UBE2O: variants seen among roughly 807,000 people sequenced by gnomAD.
The protein encoded by UBE2O is (E3-independent) E2 ubiquitin-conjugating enzyme.
UBE2O carries 15 observed loss-of-function variants against 125.8 expected under a neutral mutation model. The ratio of observed to expected loss-of-function variants is 0.12; its 90% CI spans 0.08 to 0.18. UBE2O has a LOEUF of 0.18. Ranked by LOEUF, UBE2O falls within the 10% of genes least tolerant of loss-of-function variation. The pLI, the probability that UBE2O is intolerant of heterozygous loss-of-function variation, is 1.00. For missense variants in UBE2O, 1,280 were observed against 1,723.6 expected, an observed-to-expected ratio of 0.74 and a Z score of 4.56; for synonymous variants, 708 against 703.2, an observed-to-expected ratio of 1.01 and a Z score of -0.11.
chr17:76,402,591 T>C lies in UBE2O; in HGVS notation c.686+11A>G, dbSNP rs2072347556. 1 of 1,612,384 alleles carries C rather than the reference T, an allele frequency of 6.2e-7. No individual in the cohort carries two copies. The highest frequency in any genetic ancestry group is 8.5e-7 in the Non-Finnish European group (1 of 1,178,484). ...TCCCAAGCCGATGGCTCTCTGGTGG[T>C]GAGACTCTACCTGGCGCCGTTGGAT... On this transcript the variant is annotated intron_variant, in intron 4 of 17. Coordinates refer to ENST00000319380, the MANE Select transcript of UBE2O (RefSeq NM_022066.4). This position sits in a 1 kb window ranked among gnomAD's most constrained non-coding sequence, Gnocchi z 5.4.
intron 1 of UBE2O, among the ~76,000 whole-genome samples, chr17:76,422,514 G>C (rs1474624091): frequency 6.6e-6 from 1 of 152,252 alleles, no homozygotes; most frequent in Non-Finnish European, 1.5e-5. Flanking sequence ...CGCTGTGCCA[G>C]ATGCCAATGA....
In UBE2O at chr17:76,452,793, G is replaced by T; in HGVS notation, c.349C>A (p.Leu117Met). ...AGHEEGRASPLRRGYVRVQWY... is the reference protein window; with the variant it reads ...AGHEEGRASPMRRGYVRVQWY... ...TGGACGCGCACGTAGCCGCGGCGCA[G>T]GGGGCTGGCCCGGCCCTCCTCGTGG... is the stretch of plus-strand genomic sequence containing the variant. Residue 117 changes from leucine to methionine, a missense_variant, in exon 1 of 18, where the codon CTG becomes ATG. Physicochemically the swap from Leu to Met is conservative, Grantham distance 15 (BLOSUM62 2). This residue lies in a region of UBE2O where 188 missense variants were observed against 192.5 expected (regional missense o/e 0.98). Transcript: ENST00000319380. This position sits in a 1 kb window ranked among gnomAD's most constrained non-coding sequence, Gnocchi z 4.4. The T allele has an allele frequency of 6.6e-7, 1 of 1,521,444 alleles. No homozygotes were observed. The allele number at this position is 1,521,444 out of a possible 1,614,324, so 94.2% of individuals were successfully genotyped here. A position where few individuals can be genotyped will look rare whatever the true frequency, so the allele number is the denominator to read the frequency against.
Position 76,399,389 on chromosome 17 carries a change from C to T in UBE2O, c.1628+60G>A, listed in dbSNP as rs186223642. 2,549 of 1,513,068 alleles carry T rather than the reference C, an allele frequency of 1.7e-3. 5 individuals carry two copies. The highest frequency in any genetic ancestry group is 2.0e-3 in the Non-Finnish European group (2,240 of 1,099,728). The allele number at this position is 1,513,068 out of a possible 1,614,324, so 93.7% of individuals were successfully genotyped here. A position where few individuals can be genotyped will look rare whatever the true frequency, so the allele number is the denominator to read the frequency against. ...AGCGCAGGCACGCACACCGAGGGGA[C>T]GCGCACTCTGCCTGGCTTCACGCTG... On this transcript the variant is annotated intron_variant, in intron 9 of 17. Coordinates refer to ENST00000319380, the MANE Select transcript of UBE2O (RefSeq NM_022066.4). This position sits in a 1 kb window ranked among gnomAD's most constrained non-coding sequence, Gnocchi z 6.9.
At chr17:76,416,178 GTGTGTATATGTATA>G (rs900711297) in intron 1 of UBE2O, among the ~76,000 whole-genome samples, 1 of 151,810 alleles carries the variant, frequency 6.6e-6, no homozygotes, top group African/African-American at 2.4e-5. Context: ...ATACGTGTGT[GTGTGTATATGTATA>G]TGTGTATATG....
intron 1 of UBE2O, among the ~76,000 whole-genome samples, chr17:76,423,721 T>TAAAC (rs1167864747): frequency 6.1e-5 from 9 of 147,318 alleles, no homozygotes; most frequent in African/African-American, 2.3e-4. Flanking sequence ...AATAAATAAA[T>TAAAC]AAATAAAAAA....
At chr17:76,403,741 A>C (rs962528228) in intron 3 of UBE2O, among the ~76,000 whole-genome samples, 20 of 152,198 alleles carry the variant, frequency 1.3e-4, no homozygotes, top group African/African-American at 4.8e-4. Context: ...CCATTCTCTG[A>C]AAACAATGAG....
chr17:76,414,667 C>G (rs2072570055), intron 1 of UBE2O, among the ~76,000 whole-genome samples: 1 of 152,230 alleles, frequency 6.6e-6, no homozygotes, highest in South Asian at 2.1e-4. Context: ...GGAGGCACAG[C>G]CTGCCCGAGG....
intron 15 of UBE2O, among the ~76,000 whole-genome samples, chr17:76,393,403 T>G (rs1195591148): frequency 2.6e-5 from 4 of 151,656 alleles, no homozygotes; most frequent in African/African-American, 9.7e-5. Context: ...CCCGGCTAAT[T>G]TTTTGTATTT....
At chr17:76,415,088 C>T (rs760871948) in intron 1 of UBE2O, among the ~76,000 whole-genome samples, 3 of 152,174 alleles carry the variant, frequency 2.0e-5, no homozygotes, top group Non-Finnish European at 4.4e-5. Flanking sequence ...ATTTCAGATG[C>T]GACAGGCTGC....
At chr17:76,449,051 T>C (rs921896463) in intron 1 of UBE2O, among the ~76,000 whole-genome samples, 1 of 152,240 alleles carries the variant, frequency 6.6e-6, no homozygotes, top group South Asian at 2.1e-4. Context: ...ACACGACAAA[T>C]TCCATAGCTT....
Position 76,399,715 on chromosome 17 carries a change from G to A in UBE2O, c.1362C>T (p.His454=), listed in dbSNP as rs776182377. The change falls in exon 9 of 18, where the codon CAC becomes CAT. Residue 454 remains histidine, a synonymous_variant. Transcript: ENST00000319380. This position sits in a 1 kb window ranked among gnomAD's most constrained non-coding sequence, Gnocchi z 6.9. ...ATGGGGGCAGCTGCTCTCCTGCCTCGTGGGGCTCCTCTGCACCCTCGTCCT... is the reference window on the plus strand; with the variant it reads ...ATGGGGGCAGCTGCTCTCCTGCCTCATGGGGCTCCTCTGCACCCTCGTCCT... ...EMQDEGAEEP[H]EAGEQLPPFL... is the part of the protein sequence containing the mutation. 46 of 1,614,008 alleles carry A rather than the reference G, an allele frequency of 2.9e-5. 1 individual carries two copies. The East Asian group carries it at 8.0e-4, about 28-fold the overall frequency.
At chr17:76,445,875 G>A (rs917765907) in intron 1 of UBE2O, among the ~76,000 whole-genome samples, 2 of 152,280 alleles carry the variant, frequency 1.3e-5, no homozygotes, top group South Asian at 4.1e-4. Flanking sequence ...AAGCAATTCC[G>A]AACGGGCACT....
intron 1 of UBE2O, among the ~76,000 whole-genome samples, chr17:76,418,832 G>C (rs538990251): frequency 3.3e-5 from 5 of 152,276 alleles, no homozygotes; most frequent in Non-Finnish European, 7.4e-5. Context: ...GCCTCCCAAA[G>C]TGCTGGGATT....
At chr17:76,425,225 C>CAAAAAAAAAAAAAAAAAAAAA (rs58377572) in intron 1 of UBE2O, among the ~76,000 whole-genome samples, 5 of 95,080 alleles carry the variant, frequency 5.3e-5, no homozygotes, top group African/African-American at 1.7e-4. Context: ...GTCCTTTCGA[C>CAAAAAAAAAAAAAAAAAAAAA]AAAAAAAAAA....
chr17:76,433,147 G>A (rs2072930135), intron 1 of UBE2O, among the ~76,000 whole-genome samples: 1 of 151,880 alleles, frequency 6.6e-6, no homozygotes, highest in Non-Finnish European at 1.5e-5. Flanking sequence ...AATGCTTATA[G>A]CAGCATTATT....
chr17:76,402,118 C>G lies in UBE2O; in HGVS notation c.696G>C (p.Met232Ile). The change falls in exon 5 of 18, where the codon ATG (methionine) becomes ATC (isoleucine). Residue 232 changes from methionine (M) to isoleucine (I), a missense_variant. Around this residue, in one of 10 missense-constraint regions of UBE2O, gnomAD observed 206 missense variants for 315.7 expected, o/e 0.65. Transcript: ENST00000319380. The surrounding 1 kb of genome is among the most constrained non-coding windows in gnomAD (Gnocchi z 5.4). ...AGAGCTTGGCGCCATCTTCCGTGTTCATGGAGCACCTAAAACAGAGAACAG... is the reference window on the plus strand; with the variant it reads ...AGAGCTTGGCGCCATCTTCCGTGTTGATGGAGCACCTAAAACAGAGAACAG... ...LKLSNGARCS[M>I]NTEDGAKLYD... 1 of 1,613,672 alleles carries G rather than the reference C, an allele frequency of 6.2e-7. No individual in the cohort carries two copies. Among genetic ancestry groups the G allele is most frequent in the Non-Finnish European group, 8.5e-7 (1 of 1,180,002 alleles).
At chr17:76,403,068 C>T (rs908226473) in intron 3 of UBE2O, among the ~76,000 whole-genome samples, 35 of 152,256 alleles carry the variant, frequency 2.3e-4, no homozygotes, top group African/African-American at 7.0e-4. Context: ...AGCCACACCA[C>T]TGGGGGGTGG....
In UBE2O at chr17:76,396,567, G is replaced by T; in HGVS notation, c.2370C>A (p.Ala790=). The part of the protein sequence containing the change: ...AATAAVQGAV[A]MAAPMAGLME... ...TCAGCCCGGCCATGGGGGCAGCCAT[G>T]GCCACAGCCCCCTGGACGGCAGCTG... The change falls in exon 14 of 18, where the codon GCC becomes GCA. Residue 790 remains alanine, a synonymous_variant. Transcript: ENST00000319380. This position sits in a 1 kb window ranked among gnomAD's most constrained non-coding sequence, Gnocchi z 6.7. 1 of 1,609,992 alleles carries T rather than the reference G, an allele frequency of 6.2e-7. No homozygotes were observed. Among genetic ancestry groups the T allele is most frequent in the Non-Finnish European group, 8.5e-7 (1 of 1,178,540 alleles).
At chr17:76,426,631 CAG>C (rs1161712406) in intron 1 of UBE2O, among the ~76,000 whole-genome samples, 1 of 152,186 alleles carries the variant, frequency 6.6e-6, no homozygotes, top group Non-Finnish European at 1.5e-5. Flanking sequence ...CTACTTGACT[CAG>C]AAAGTTTGAA....
Sources: gnomAD v4.1 joint callset for allele counts (sites outside exome capture counted in the v4.1 genomes callset) on GRCh38, gnomAD v4.1.1 for gene constraint, gnomAD v4.1.1 regional missense constraint, Gnocchi (gnomAD v3.1) non-coding constraint, MANE v1.5 for transcripts, NCBI Gene and HGNC (gene_info 2026-07-23, HGNC 2026-07-21) for gene names.